NRG1: variants seen among roughly 807,000 people sequenced by gnomAD.
The protein encoded by NRG1 is neuregulin 1.
A neutral mutation model predicts 63.8 loss-of-function variants in NRG1; 18 were observed. The ratio of observed to expected loss-of-function variants is 0.28; its 90% CI spans 0.19 to 0.42. The LOEUF is 0.42. Ranked by LOEUF, NRG1 falls within the 10% of genes least tolerant of loss-of-function variation. The pLI is 1.00. For synonymous variants in NRG1, 302 were observed against 301.3 expected, an observed-to-expected ratio of 1.00 and a Z score of -0.02; for missense variants, 762 against 814.7, an observed-to-expected ratio of 0.94 and a Z score of 0.79.
intron 1 of NRG1, among the ~76,000 whole-genome samples, chr8:32,022,981 T>C (rs1816692388): frequency 6.6e-6 from 1 of 152,232 alleles, no homozygotes; most frequent in African/African-American, 2.4e-5. Flanking sequence ...TTATCATATA[T>C]TTGTACCATA....
intron 1 of NRG1, among the ~76,000 whole-genome samples, chr8:31,869,249 T>TA (rs1178708929): frequency 6.6e-6 from 1 of 152,158 alleles, no homozygotes; most frequent in African/African-American, 2.4e-5. Context: ...CCAACTGCAA[T>TA]TCAGTCCAAG....
chr8:32,296,066 G>T (rs1854828146), intron 1 of NRG1, among the ~76,000 whole-genome samples: 1 of 151,960 alleles, frequency 6.6e-6, no homozygotes, highest in Admixed American at 6.6e-5. Context: ...TTTATCATTG[G>T]CAAGATATCT....
chr8:32,670,436 C>T (rs1303679684), intron 5 of NRG1, among the ~76,000 whole-genome samples: 1 of 152,036 alleles, frequency 6.6e-6, no homozygotes, highest in Non-Finnish European at 1.5e-5. Flanking sequence ...GCACAGGCTC[C>T]AAAGAGAATG....
At chr8:32,447,357 T>C (rs1455884631) in intron 1 of NRG1, among the ~76,000 whole-genome samples, 1 of 152,074 alleles carries the variant, frequency 6.6e-6, no homozygotes, top group Non-Finnish European at 1.5e-5. Flanking sequence ...CTCATCCTTC[T>C]CTTGGTTTTC....
intron 1 of NRG1, among the ~76,000 whole-genome samples, chr8:32,274,839 G>A (rs1023182553): frequency 6.6e-6 from 1 of 152,062 alleles, no homozygotes; most frequent in Non-Finnish European, 1.5e-5. Flanking sequence ...TTTAGAAGAA[G>A]TAAAGATTAA....
At chr8:32,086,273 G>A (rs188663025) in intron 1 of NRG1, among the ~76,000 whole-genome samples, 40 of 152,242 alleles carry the variant, frequency 2.6e-4, no homozygotes, top group African/African-American at 9.1e-4. Flanking sequence ...AAATATATAT[G>A]TATTTTTGGT....
rs187401995 is a variant in NRG1, at chr8:31,800,772, C to A, written c.37+161341C>A. On this transcript the variant is annotated intron_variant, in intron 1 of 10. Transcript: ENST00000519301. ...TAGAAAGAAAAATGTCGAATTTAAA[C>A]ATTTTGTCACTACCTAGTTAAAATC... Among the ~76,000 whole-genome samples the A allele has an allele frequency of 4.3e-4, 64 of 150,104 alleles. No individual in the cohort carries two copies. The Middle Eastern group carries it at 0.014, about 32-fold the overall frequency.
At chr8:32,132,280 T>C (rs1834928022) in intron 1 of NRG1, among the ~76,000 whole-genome samples, 1 of 152,116 alleles carries the variant, frequency 6.6e-6, no homozygotes, top group Admixed American at 6.6e-5. Flanking sequence ...ATTAAGTGCC[T>C]GACATTCTGA....
intron 1 of NRG1, among the ~76,000 whole-genome samples, chr8:32,278,137 T>C (rs1013756524): frequency 8.5e-5 from 13 of 152,202 alleles, no homozygotes; most frequent in Non-Finnish European, 1.5e-4. Flanking sequence ...GATCCTGGAT[T>C]AATATATCAT....
chr8:31,990,839 C>T (rs543660638), intron 1 of NRG1, among the ~76,000 whole-genome samples: 2 of 152,150 alleles, frequency 1.3e-5, no homozygotes, highest in South Asian at 4.1e-4. Context: ...AAATGAGTGT[C>T]ATGCTTTGTT....
At chr8:32,433,726 C>G (rs933116404) in intron 1 of NRG1, among the ~76,000 whole-genome samples, 3 of 152,072 alleles carry the variant, frequency 2.0e-5, no homozygotes, top group Non-Finnish European at 4.4e-5. Flanking sequence ...TTAGAATTCA[C>G]CCCTCTTTCC....
intron 4 of NRG1, 93 bp from the exon 5 acceptor site, chr8:32,616,742 T>C: frequency 1.1e-6 from 1 of 903,806 alleles, no homozygotes; most frequent in South Asian, 1.3e-5. Context: ...TACTACTCTT[T>C]TACTAGGCGA....
chr8:31,777,243 T>C (rs1022831777), intron 1 of NRG1, among the ~76,000 whole-genome samples: 1 of 152,232 alleles, frequency 6.6e-6, no homozygotes, highest in Non-Finnish European at 1.5e-5. Context: ...CTTATTAAAA[T>C]AATGCAAACA....
At chr8:31,673,384 G>T (rs887747568) in intron 1 of NRG1, among the ~76,000 whole-genome samples, 1 of 152,182 alleles carries the variant, frequency 6.6e-6, no homozygotes, top group African/African-American at 2.4e-5. Flanking sequence ...GCATTGAGTT[G>T]TGAGGGGCTG....
At chr8:32,578,289 C>T (rs761153941) in intron 1 of NRG1, among the ~76,000 whole-genome samples, 12 of 152,272 alleles carry the variant, frequency 7.9e-5, no homozygotes, top group South Asian at 2.1e-4. Context: ...CCACCGTGCC[C>T]GGCCAGATCT....
chr8:32,173,671 AAAAG>A (rs1840346212), intron 1 of NRG1, among the ~76,000 whole-genome samples: 4 of 152,244 alleles, frequency 2.6e-5, no homozygotes, highest in Non-Finnish European at 1.5e-5. Flanking sequence ...GGAAAACAAA[AAAAG>A]GCAGGGATTA....
intron 1 of NRG1, among the ~76,000 whole-genome samples, chr8:32,438,842 AT>A (rs1473337767): frequency 6.6e-6 from 1 of 152,088 alleles, no homozygotes; most frequent in East Asian, 1.9e-4. Context: ...CTTTAGTGAA[AT>A]GCTTCTCTGT....
rs368125743 is a variant in NRG1, at chr8:32,177,843, G to C, written c.38-417985G>C. ...TTTCTGCTTGTGCTATTGAATAATT[G>C]AGAAGTTTGCAGGGGGTGTGGTGCC... On this transcript the variant is annotated intron_variant, in intron 1 of 10. Coordinates refer to the NRG1 transcript ENST00000519301. Among the ~76,000 whole-genome samples the C allele has an allele frequency of 1.1e-4, 17 of 151,992 alleles. No individual in the cohort carries two copies. The East Asian group carries it at 1.4e-3, about 12-fold the overall frequency.
intron 1 of NRG1, among the ~76,000 whole-genome samples, chr8:31,998,284 T>A (rs1465967845): frequency 2.6e-5 from 4 of 152,024 alleles, no homozygotes. Context: ...AGTCATTCAA[T>A]CAACTATACA....
Sources: allele counts gnomAD v4.1 joint callset (sites outside exome capture counted in the v4.1 genomes callset), GRCh38; gene constraint gnomAD v4.1.1; transcripts MANE v1.5; gene names NCBI Gene and HGNC (gene_info 2026-07-23, HGNC 2026-07-21).